The following SNTB1 variants were observed in gnomAD, a reference collection of about 807,000 sequenced individuals.
SNTB1 encodes beta-1-syntrophin.
SNTB1 carries 36 observed loss-of-function variants against 48.9 expected under a neutral mutation model. The ratio of observed to expected loss-of-function variants is 0.74; its 90% CI spans 0.56 to 0.97. The LOEUF (loss-of-function observed/expected upper bound fraction) is 0.97, where lower values mean the gene tolerates loss of function less well. Among genes scored for constraint, SNTB1 ranks in the 50% least tolerant of loss-of-function variants. The probability of loss-of-function intolerance (pLI) is 0.00; values close to 1 mark genes in which losing one functional copy is unlikely to be tolerated. For synonymous variants in SNTB1, 299 were observed against 294.6 expected, an observed-to-expected ratio of 1.01 and a Z score of -0.15; for missense variants, 786 against 703.4, an observed-to-expected ratio of 1.12 and a Z score of -1.33.
chr8:120,644,855 C>G (rs1817258850), intron 2 of SNTB1, among the ~76,000 whole-genome samples: 1 of 152,046 alleles, frequency 6.6e-6, no homozygotes, highest in African/African-American at 2.4e-5. Flanking sequence ...GATTGCCATT[C>G]TAACTGGTGT....
intron 4 of SNTB1, among the ~76,000 whole-genome samples, chr8:120,560,139 T>G (rs1422072519): frequency 6.6e-6 from 1 of 152,078 alleles, no homozygotes; most frequent in Non-Finnish European, 1.5e-5. Flanking sequence ...CTGCATCATT[T>G]CCCCCAGCTA....
intron 3 of SNTB1, among the ~76,000 whole-genome samples, chr8:120,611,638 C>G (rs966279872): frequency 1.3e-5 from 2 of 151,720 alleles, no homozygotes; most frequent in African/African-American, 2.4e-5. Context: ...CTGGCTAACA[C>G]GGTGAAACCC....
At chr8:120,541,039 C>T (rs2130641907) in intron 6 of SNTB1, 1 of 152,290 alleles carries the variant, frequency 6.6e-6, no homozygotes, top group Middle Eastern at 3.4e-3. Flanking sequence ...CATTTGACAG[C>T]TTAAATGAGA....
intron 1 of SNTB1, among the ~76,000 whole-genome samples, chr8:120,712,460 A>G (rs1338905351): frequency 6.6e-6 from 1 of 151,926 alleles, no homozygotes; most frequent in Non-Finnish European, 1.5e-5. Flanking sequence ...TTATTCATAT[A>G]GTGAATGAGG....
chr8:120,732,946 T>C (rs1391605012), intron 1 of SNTB1, among the ~76,000 whole-genome samples: 1 of 152,242 alleles, frequency 6.6e-6, no homozygotes, highest in African/African-American at 2.4e-5. Flanking sequence ...GTTTATACTT[T>C]GGGATAAAAC....
At chr8:120,551,526 A>G (rs367789202) in intron 4 of SNTB1, among the ~76,000 whole-genome samples, 1 of 151,990 alleles carries the variant, frequency 6.6e-6, no homozygotes. Flanking sequence ...TAAGGTCGTG[A>G]CCATCCTGGC....
intron 1 of SNTB1, among the ~76,000 whole-genome samples, chr8:120,704,772 G>C (rs1818354675): frequency 6.6e-6 from 1 of 152,156 alleles, no homozygotes; most frequent in Admixed American, 6.5e-5. Flanking sequence ...TGACAAAATT[G>C]AGATTTTAAG....
intron 2 of SNTB1, among the ~76,000 whole-genome samples, chr8:120,690,958 C>G (rs1417105869): frequency 6.6e-6 from 1 of 152,196 alleles, no homozygotes; most frequent in East Asian, 1.9e-4. Flanking sequence ...TGATTCTGCC[C>G]TGCTGGTTCT....
intron 2 of SNTB1, among the ~76,000 whole-genome samples, chr8:120,666,491 G>A (rs1194412594): frequency 6.6e-6 from 1 of 151,998 alleles, no homozygotes; most frequent in Non-Finnish European, 1.5e-5. Flanking sequence ...TGTGTAATGT[G>A]TCTTTTTTCT....
chr8:120,694,048 T>C, intron 1 of SNTB1, 140 bp from the exon 2 acceptor site: 1 of 691,940 alleles, frequency 1.4e-6, no homozygotes, highest in Non-Finnish European at 2.5e-6. Flanking sequence ...ATTTTGAATT[T>C]TTGTTCCACT....
intron 1 of SNTB1, among the ~76,000 whole-genome samples, chr8:120,778,452 C>A (rs1382570324): frequency 2.0e-5 from 3 of 152,222 alleles, no homozygotes; most frequent in African/African-American, 4.8e-5. Context: ...CCTCTAATTT[C>A]ATCAGTGCTC....
chr8:120,706,909 T>C (rs920854785), intron 1 of SNTB1, among the ~76,000 whole-genome samples: 35 of 152,082 alleles, frequency 2.3e-4, no homozygotes, highest in African/African-American at 8.0e-4. Context: ...AAACTAAATA[T>C]CATTACCAAG....
chr8:120,720,036 G>A (rs1818632364), intron 1 of SNTB1, among the ~76,000 whole-genome samples: 1 of 152,118 alleles, frequency 6.6e-6, no homozygotes, highest in South Asian at 2.1e-4. Flanking sequence ...TAAATGCCTG[G>A]GCAGCCATCA....
intron 4 of SNTB1, among the ~76,000 whole-genome samples, chr8:120,560,832 G>A (rs147030897): frequency 2.8e-4 from 42 of 152,290 alleles, no homozygotes; most frequent in African/African-American, 8.2e-4. Context: ...TTGCCGCAAC[G>A]CTTCTTTGAA....
At chr8:120,621,237 G>A (rs1816789867) in intron 3 of SNTB1, among the ~76,000 whole-genome samples, 1 of 152,206 alleles carries the variant, frequency 6.6e-6, no homozygotes, top group South Asian at 2.1e-4. Context: ...TGGGATTATA[G>A]GCGTGAGCCA....
At chr8:120,601,754 G>T (rs1005317510) in intron 3 of SNTB1, among the ~76,000 whole-genome samples, 13 of 152,172 alleles carry the variant, frequency 8.5e-5, no homozygotes, top group Admixed American at 7.9e-4. Context: ...TAAATTGCTT[G>T]GTTGCAGGTT....
intron 1 of SNTB1, among the ~76,000 whole-genome samples, chr8:120,719,674 C>T (rs964845200): frequency 4.6e-5 from 7 of 152,016 alleles, no homozygotes; most frequent in African/African-American, 1.7e-4. Context: ...AAGCAGAACC[C>T]GAGACAAGGA....
At chr8:120,644,162 T>C (rs1218755723) in intron 2 of SNTB1, among the ~76,000 whole-genome samples, 1 of 20,522 alleles carries the variant, frequency 4.9e-5, no homozygotes, top group African/African-American at 9.2e-5. Flanking sequence ...GAAATCATTC[T>C]TTTTTTTTTT....
Position 120,669,698 on chromosome 8 carries a change from C to A in SNTB1, c.788+23994G>T, listed in dbSNP as rs1296452200. Among the ~76,000 whole-genome samples the A allele has an allele frequency of 5.6e-5, 2 of 35,920 alleles. 1 individual carries two copies. Among genetic ancestry groups the A allele is most frequent in the Admixed American group, 5.0e-4 (2 of 4,030 alleles). The allele number at this position is 35,920 out of a possible 152,430, so 23.6% of individuals were successfully genotyped here. On this transcript the variant is annotated intron_variant, in intron 2 of 6. Coordinates refer to ENST00000517992, the MANE Select transcript of SNTB1 (RefSeq NM_021021.4). ...CGATCTCCTGACCTCGTGATCCACC[C>A]GCCTTGGCCTCCCAAAGTGCTGGGA...
Sources: allele counts gnomAD v4.1 joint callset (sites outside exome capture counted in the v4.1 genomes callset), GRCh38; gene constraint gnomAD v4.1.1; transcripts MANE v1.5; gene names NCBI Gene and HGNC (gene_info 2026-07-23, HGNC 2026-07-21).